The following CASR variants were observed in gnomAD, a reference collection of about 807,000 sequenced individuals.
CASR encodes extracellular calcium-sensing receptor.
Under a neutral mutation model 69.1 loss-of-function variants are expected in CASR, and 23 were observed. That is an observed-to-expected ratio of 0.33 (90% CI 0.24 to 0.47). The LOEUF (loss-of-function observed/expected upper bound fraction) is 0.47, where lower values mean the gene tolerates loss of function less well. Among genes scored for constraint, CASR ranks in the 20% least tolerant of loss-of-function variants. The pLI is 1.00. For missense variants in CASR, 924 were observed against 1,356.1 expected (o/e 0.68, Z 5.00); for synonymous variants, 541 against 544.7 (o/e 0.99, Z 0.10).
chr3:122,267,672 C>T (rs1417528297), intron 4 of CASR, among the ~76,000 whole-genome samples: 1 of 152,204 alleles, frequency 6.6e-6, no homozygotes, highest in Non-Finnish European at 1.5e-5. Context: ...AGGGACACCA[C>T]AGAACCTTTT....
chr3:122,217,289 A>G (rs1467953484), intron 1 of CASR, among the ~76,000 whole-genome samples: 3 of 152,038 alleles, frequency 2.0e-5, no homozygotes, highest in Non-Finnish European at 4.4e-5. Flanking sequence ...TTTTGTAGAG[A>G]CAGGGTCTTT....
Position 122,222,691 on chromosome 3 carries a change from G to A in CASR, c.-242-31257G>A, listed in dbSNP as rs574563754. Among the ~76,000 whole-genome samples, 5 of 152,120 alleles carry A rather than the reference G, an allele frequency of 3.3e-5. No homozygotes were observed. In the South Asian group the frequency reaches 6.2e-4, roughly 19 times the overall value. On this transcript the variant is annotated intron_variant, in intron 1 of 6. Coordinates refer to ENST00000639785, the MANE Select transcript of CASR (RefSeq NM_000388.4). ...AGTATCTAACAAAGATATTCTGGACGTAAACTCAACACTTGACCAATTGGA... is the reference window on the plus strand; with the variant it reads ...AGTATCTAACAAAGATATTCTGGACATAAACTCAACACTTGACCAATTGGA...
At chr3:122,229,083 C>G (rs1218512736) in intron 1 of CASR, among the ~76,000 whole-genome samples, 1 of 152,214 alleles carries the variant, frequency 6.6e-6, no homozygotes, top group Admixed American at 6.5e-5. Context: ...TAAGTCACTT[C>G]AAGATGGAAA....
Position 122,285,305 on chromosome 3 carries a change from C to A in CASR, c.*114C>A. The stretch of plus-strand genomic sequence containing the variant: ...GAGGAAGAAGGGATAATAGACACAT[C>A]AAATGCCCCGAATTTAGTCACACCA... On this transcript the variant is annotated 3_prime_UTR_variant, in exon 7 of 7. Transcript: ENST00000639785. 2.2e-6 allele frequency: 2 copies of A among 917,966 alleles called. No homozygotes were observed. The highest frequency in any genetic ancestry group is 3.5e-6 in the Non-Finnish European group (2 of 565,114). 56.9% of individuals were successfully genotyped at this position (917,966 alleles called of 1,614,324 possible). A position where few individuals can be genotyped will look rare whatever the true frequency, so the allele number is the denominator to read the frequency against.
chr3:122,266,464 C>G (rs2074695551), intron 4 of CASR, among the ~76,000 whole-genome samples: 2 of 151,782 alleles, frequency 1.3e-5, no homozygotes, highest in African/African-American at 4.8e-5. Context: ...GAGTCTTGCT[C>G]TGTCACCCAG....
In CASR at chr3:122,253,971, A is replaced by C; in HGVS notation, c.-219A>C. On this transcript the variant is annotated 5_prime_UTR_variant, in exon 2 of 7. It removes an upstream start codon present in the reference 5' UTR. Transcript: ENST00000639785. ...AGAAGGCATCACAGGAGGCCTCTGC[A>C]TGATGTGGCTTCCAAAGACTCAAGG... The C allele has an allele frequency of 3.3e-6, 2 of 599,246 alleles. No individual in the cohort carries two copies. The highest frequency in any genetic ancestry group is 6.0e-6 in the Non-Finnish European group (2 of 335,622). The allele number at this position is 599,246 out of a possible 1,614,324, so 37.1% of individuals were successfully genotyped here.
At chr3:122,201,637 C>G (rs186081860) in intron 1 of CASR, among the ~76,000 whole-genome samples, 10,475 of 85,552 alleles carry the variant, frequency 0.12, 508 homozygotes, top group Non-Finnish European at 0.21. Context: ...GGCGACCCCC[C>G]ACCTCCCTCC....
rs1055323318 is a variant in CASR at position 122,290,677 on chromosome 3, A to T, written c.*5486A>T. The T allele has an allele frequency of 2.6e-5, 4 of 152,168 alleles. No homozygotes were observed. The highest frequency in any genetic ancestry group is 9.7e-5 in the African/African-American group (4 of 41,440). 9.4% of individuals were successfully genotyped at this position (152,168 alleles called of 1,614,324 possible). On this transcript the variant is annotated 3_prime_UTR_variant, in exon 7 of 7. Transcript: ENST00000639785. ...TTTAAACAGATAAGTATATCATATT[A>T]GATAGGAATCACCATACTGGGTCAG... is the stretch of plus-strand genomic sequence containing the variant.
At chr3:122,247,206 A>C (rs1038217521) in intron 1 of CASR, 8 of 152,272 alleles carry the variant, frequency 5.3e-5, no homozygotes, top group Non-Finnish European at 1.2e-4. Flanking sequence ...AATAAGCAAT[A>C]ATCTTTATTG....
At chr3:122,201,902 G>A (rs1302586662) in intron 1 of CASR, among the ~76,000 whole-genome samples, 3 of 151,792 alleles carry the variant, frequency 2.0e-5, no homozygotes, top group African/African-American at 7.3e-5. Flanking sequence ...AGATGGGATG[G>A]CGGCCGGGCA....
intron 1 of CASR, among the ~76,000 whole-genome samples, chr3:122,196,253 C>A (rs916652837): frequency 1.3e-5 from 2 of 151,856 alleles, no homozygotes; most frequent in Non-Finnish European, 2.9e-5. Context: ...ATAACATATA[C>A]AACATATGGT....
chr3:122,192,109 A>G (rs537246771), intron 1 of CASR, among the ~76,000 whole-genome samples: 7 of 152,376 alleles, frequency 4.6e-5, no homozygotes, highest in Admixed American at 4.6e-4. Context: ...CTGAAACACA[A>G]GAAAAAGCCT....
intron 1 of CASR, among the ~76,000 whole-genome samples, chr3:122,186,677 G>A (rs1226817411): frequency 3.9e-5 from 6 of 152,156 alleles, no homozygotes; most frequent in South Asian, 2.1e-4. Flanking sequence ...GGAAAGAAAC[G>A]AAGTTCTTTG....
At chr3:122,280,208 C>T (rs1035658269) in intron 5 of CASR, among the ~76,000 whole-genome samples, 5 of 152,092 alleles carry the variant, frequency 3.3e-5, no homozygotes, top group Non-Finnish European at 7.4e-5. Context: ...AAGGAACATA[C>T]CTCGAAATAA....
chr3:122,284,832 C>T lies in CASR; in HGVS notation c.2878C>T (p.Pro960Ser), dbSNP rs1352202616. 6.2e-7 allele frequency: 1 copy of T among 1,614,190 alleles called. No individual in the cohort carries two copies. The highest frequency in any genetic ancestry group is 1.1e-5 in the South Asian group (1 of 91,088). Residue 960 changes from proline to serine, a missense_variant, in exon 7 of 7, where the codon CCC becomes TCC. Physicochemically the swap from Pro to Ser is moderately conservative, Grantham distance 74. Coordinates refer to ENST00000639785, the MANE Select transcript of CASR (RefSeq NM_000388.4). ...ACAGCAGCAACGATCTCAGCAGCAG[C>T]CCAGATGCAAGCAGAAGGTCATCTT... ...LPQQQRSQQQPRCKQKVIFGS... is the reference protein window; with the variant it reads ...LPQQQRSQQQSRCKQKVIFGS...
At chr3:122,207,350 C>A (rs2074017538) in intron 1 of CASR, among the ~76,000 whole-genome samples, 1 of 152,102 alleles carries the variant, frequency 6.6e-6, no homozygotes, top group South Asian at 2.1e-4. Context: ...ACATTTCACC[C>A]AACTGCTGTA....
Position 122,224,588 on chromosome 3 carries a change from C to A in CASR, c.-242-29360C>A, listed in dbSNP as rs979601001. ...ACATTCCGTGCTCATGGACAGGAAG[C>A]ATCAATATCATTAAAATGTCCACAC... On this transcript the variant is annotated intron_variant, in intron 1 of 6. Transcript: ENST00000639785. Among the ~76,000 whole-genome samples, 4 of 152,120 alleles carry A rather than the reference C, an allele frequency of 2.6e-5. No homozygotes were observed. In the South Asian group the frequency reaches 6.2e-4, roughly 24 times the overall value.
At chr3:122,230,723 G>A (rs544112220) in intron 1 of CASR, among the ~76,000 whole-genome samples, 9 of 152,242 alleles carry the variant, frequency 5.9e-5, no homozygotes, top group Admixed American at 1.3e-4. Flanking sequence ...CACCAAGCCC[G>A]TGATACCACT....
chr3:122,267,004 A>AAAAT (rs1056798895), intron 4 of CASR, among the ~76,000 whole-genome samples: 2 of 152,166 alleles, frequency 1.3e-5, no homozygotes, highest in African/African-American at 4.8e-5. Flanking sequence ...ACTCCGTCTC[A>AAAAT]AAATAAATAA....
Sources: allele counts gnomAD v4.1 joint callset (sites outside exome capture counted in the v4.1 genomes callset), GRCh38; gene constraint gnomAD v4.1.1; transcripts MANE v1.5; gene names NCBI Gene and HGNC (gene_info 2026-07-23, HGNC 2026-07-21).